The following MEGF11 variants were observed in gnomAD, a reference collection of about 807,000 sequenced individuals.
MEGF11 encodes the protein multiple epidermal growth factor-like domains protein 11.
A neutral mutation model predicts 146.6 loss-of-function variants in MEGF11; 126 were observed. That is an observed-to-expected ratio of 0.86 (90% CI 0.74 to 1.00). The LOEUF (loss-of-function observed/expected upper bound fraction) is 1.00, where lower values mean the gene tolerates loss of function less well. Among genes scored for constraint, MEGF11 ranks in the 50% least tolerant of loss-of-function variants. The pLI is 0.00. For missense variants in MEGF11, 1,509 were observed against 1,521.2 expected (o/e 0.99, Z 0.13); for synonymous variants, 532 against 583.4 (o/e 0.91, Z 1.27).
At chr15:66,241,486 C>T (rs1252993127) in intron 1 of MEGF11, among the ~76,000 whole-genome samples, 6 of 152,192 alleles carry the variant, frequency 3.9e-5, no homozygotes, top group Non-Finnish European at 8.8e-5. Context: ...AACACGAATG[C>T]AAATGGACCA....
At chr15:66,055,735 G>C (rs968940307) in intron 5 of MEGF11, among the ~76,000 whole-genome samples, 18 of 152,214 alleles carry the variant, frequency 1.2e-4, no homozygotes, top group African/African-American at 4.1e-4. Flanking sequence ...TCAGTTACTA[G>C]TTATTAAATC....
chr15:66,190,621 C>G (rs2090843111), intron 1 of MEGF11, among the ~76,000 whole-genome samples: 1 of 152,118 alleles, frequency 6.6e-6, no homozygotes, highest in South Asian at 2.1e-4. Flanking sequence ...CCTCAAAATG[C>G]CTGACCTGTC....
In MEGF11 at chr15:66,093,734, G is replaced by T. The variant is rs920609350; in HGVS notation, c.394+668C>A. On this transcript the variant is annotated intron_variant, in intron 5 of 25. Coordinates refer to ENST00000395614, the MANE Select transcript of MEGF11 (RefSeq NM_001385028.1). ...TTGGCAGAGAATTCCCTGAACTGCTGCCAGGTATGCCTTACCCTCTTGGTG... is the reference window on the plus strand; with the variant it reads ...TTGGCAGAGAATTCCCTGAACTGCTTCCAGGTATGCCTTACCCTCTTGGTG... 3.9e-5 allele frequency among the ~76,000 whole-genome samples: 6 copies of T among 152,274 alleles called. No individual in the cohort carries two copies. The South Asian group carries it at 1.2e-3, about 32-fold the overall frequency.
chr15:66,022,666 A>C (rs528427643), intron 5 of MEGF11, among the ~76,000 whole-genome samples: 7 of 152,134 alleles, frequency 4.6e-5, no homozygotes, highest in Non-Finnish European at 8.8e-5. Context: ...CTCCACAAAA[A>C]ATTTTTTAAA....
chr15:66,208,031 G>T (rs980453059), intron 1 of MEGF11, among the ~76,000 whole-genome samples: 4 of 151,602 alleles, frequency 2.6e-5, no homozygotes, highest in Non-Finnish European at 5.9e-5. Context: ...GTTGCAGTGA[G>T]CTGAGATCAC....
chr15:65,936,138 G>C (rs1177828240), intron 10 of MEGF11, among the ~76,000 whole-genome samples: 3 of 152,156 alleles, frequency 2.0e-5, no homozygotes, highest in Non-Finnish European at 4.4e-5. Context: ...ACATCTGTGT[G>C]TTTCTGTGGG....
At position 66,089,308 on chromosome 15, in the gene MEGF11, C is replaced by A. The variant is rs535451333; in HGVS notation, c.394+5094G>T. Among the ~76,000 whole-genome samples the A allele has an allele frequency of 2.6e-5, 4 of 152,270 alleles. No individual in the cohort carries two copies. In the South Asian group the frequency reaches 8.3e-4, roughly 32 times the overall value. On this transcript the variant is annotated intron_variant, in intron 5 of 25. Transcript: ENST00000395614. ...GCCCAGTGTCTGGGGAGTAGGGGAGCAATTCTGCAAAAGAGCAGGACAGTG... is the reference window on the plus strand; with the variant it reads ...GCCCAGTGTCTGGGGAGTAGGGGAGAAATTCTGCAAAAGAGCAGGACAGTG...
At chr15:66,173,775 C>T (rs2090323723) in intron 1 of MEGF11, among the ~76,000 whole-genome samples, 1 of 152,214 alleles carries the variant, frequency 6.6e-6, no homozygotes, top group Admixed American at 6.5e-5. Flanking sequence ...AAGGGTCCAA[C>T]TCACCCTCTA....
intron 5 of MEGF11, among the ~76,000 whole-genome samples, chr15:66,016,239 G>A (rs1230500251): frequency 1.3e-5 from 2 of 151,956 alleles, no homozygotes; most frequent in Admixed American, 6.6e-5. Flanking sequence ...TGATCAATTA[G>A]GATCATTTAT....
intron 1 of MEGF11, among the ~76,000 whole-genome samples, chr15:66,231,260 A>C (rs77331461): frequency 0.013 from 1,994 of 151,850 alleles, 40 homozygotes; most frequent in African/African-American, 0.046. Flanking sequence ...ACTTTCCAGA[A>C]ACCGGAACCC....
At chr15:66,213,357 G>A (rs778366901) in intron 1 of MEGF11, among the ~76,000 whole-genome samples, 24 of 152,132 alleles carry the variant, frequency 1.6e-4, no homozygotes, top group Non-Finnish European at 2.9e-4. Flanking sequence ...CAGCATCAAG[G>A]CTAGCACTCC....
intron 4 of MEGF11, among the ~76,000 whole-genome samples, chr15:66,113,261 C>A (rs563310092): frequency 6.6e-6 from 1 of 152,120 alleles, no homozygotes; most frequent in Non-Finnish European, 1.5e-5. Flanking sequence ...AACCTATGCT[C>A]CCCAAGCCAG....
intron 1 of MEGF11, among the ~76,000 whole-genome samples, chr15:66,227,604 G>A (rs1385404868): frequency 6.6e-6 from 1 of 152,148 alleles, no homozygotes; most frequent in African/African-American, 2.4e-5. Flanking sequence ...TCCTGGGGCA[G>A]GACCCCCATT....
chr15:65,916,749 G>C (rs2141224046), intron 17 of MEGF11, 79 bp downstream of exon 17: 2 of 1,557,002 alleles, frequency 1.3e-6, no homozygotes, highest in East Asian at 4.8e-5. Flanking sequence ...CTCCCTGCTG[G>C]TCTGGACAAT....
chr15:66,032,505 A>G (rs2083561292), intron 5 of MEGF11, among the ~76,000 whole-genome samples: 1 of 152,256 alleles, frequency 6.6e-6, no homozygotes, highest in African/African-American at 2.4e-5. Flanking sequence ...GAAAGTCTGG[A>G]ACTTTTTAGA....
At chr15:66,147,811 G>A (rs75398334) in intron 1 of MEGF11, among the ~76,000 whole-genome samples, 4,691 of 152,324 alleles carry the variant, frequency 0.031, 108 homozygotes, top group Non-Finnish European at 0.041. Flanking sequence ...CCATTCAAAG[G>A]TTTTAAGCAA....
intron 5 of MEGF11, among the ~76,000 whole-genome samples, chr15:66,007,751 CAAGAA>C (rs138701582): frequency 0.032 from 4,923 of 151,920 alleles, 238 homozygotes; most frequent in African/African-American, 0.11. Flanking sequence ...GACCCTGTCT[CAAGAA>C]AAGAAAAGAA....
intron 5 of MEGF11, among the ~76,000 whole-genome samples, chr15:66,056,697 G>A (rs1030339113): frequency 6.6e-6 from 1 of 152,212 alleles, no homozygotes; most frequent in Non-Finnish European, 1.5e-5. Flanking sequence ...CCCAGAAGGG[G>A]ATAGAGTGAA....
At chr15:66,078,532 C>A (rs2085691983) in intron 5 of MEGF11, among the ~76,000 whole-genome samples, 1 of 152,250 alleles carries the variant, frequency 6.6e-6, no homozygotes, top group Non-Finnish European at 1.5e-5. Flanking sequence ...GCTCCCCCAT[C>A]ACCAGGCCCC....
Sources: gnomAD v4.1 joint callset for allele counts (sites outside exome capture counted in the v4.1 genomes callset) on GRCh38, gnomAD v4.1.1 for gene constraint, MANE v1.5 for transcripts, NCBI Gene and HGNC (gene_info 2026-07-23, HGNC 2026-07-21) for gene names.